Variants in TAS1R2 observed in about 807,000 individuals in gnomAD.
TAS1R2 encodes taste 1 receptor member 2.
TAS1R2 carries 47 observed loss-of-function variants against 49.3 expected under a neutral mutation model. That is an observed-to-expected ratio of 0.95 (90% CI 0.75 to 1.22). The LOEUF is 1.22. Among genes scored for constraint, TAS1R2 ranks in the 50% most tolerant of loss-of-function variants. The pLI, the probability that TAS1R2 is intolerant of heterozygous loss-of-function variation, is 0.00. For missense variants in TAS1R2, 1,155 were observed against 1,122.1 expected (o/e 1.03, Z -0.42); for synonymous variants, 479 against 467.9 (o/e 1.02, Z -0.31).
chr1:18,859,437 C>A, intron 1 of TAS1R2, 42 bp downstream of exon 1: 1 of 1,610,766 alleles, frequency 6.2e-7, no homozygotes, highest in East Asian at 2.2e-5. Context: ...GGCCTCCCAC[C>A]CCATCCCCAC....
intron 3 of TAS1R2, 107 bp from the exon 4 acceptor site, chr1:18,849,657 C>G: frequency 1.6e-6 from 2 of 1,262,804 alleles, no homozygotes; most frequent in Non-Finnish European, 2.2e-6. Context: ...TGATTTCCAA[C>G]TCTGTAATAT....
At chr1:18,842,775 G>T (rs781685305) in intron 4 of TAS1R2, among the ~76,000 whole-genome samples, 1 of 152,184 alleles carries the variant, frequency 6.6e-6, no homozygotes, top group Non-Finnish European at 1.5e-5. Context: ...TAGAAGGATG[G>T]TTGCCAGAGG....
chr1:18,845,262 C>T (rs1049747029), intron 4 of TAS1R2, among the ~76,000 whole-genome samples: 1 of 152,188 alleles, frequency 6.6e-6, no homozygotes, highest in African/African-American at 2.4e-5. Context: ...CAGAAGTATC[C>T]TATCTAACCA....
chr1:18,843,081 C>T (rs1933856227), intron 4 of TAS1R2, among the ~76,000 whole-genome samples: 1 of 152,206 alleles, frequency 6.6e-6, no homozygotes, highest in African/African-American at 2.4e-5. Context: ...CATTAACACT[C>T]ACTATCTTAT....
intron 2 of TAS1R2, among the ~76,000 whole-genome samples, chr1:18,855,679 T>C (rs1403356369): frequency 1.3e-5 from 2 of 152,152 alleles, no homozygotes; most frequent in East Asian, 3.9e-4. Context: ...GAACTTCAGA[T>C]GCATACCACA....
chr1:18,857,874 C>G lies in TAS1R2; in HGVS notation c.183-243G>C, dbSNP rs75754587. Among the ~76,000 whole-genome samples, 52 of 152,174 alleles carry G rather than the reference C, an allele frequency of 3.4e-4. No individual in the cohort carries two copies. In the East Asian group the frequency reaches 9.8e-3, roughly 29 times the overall value. On this transcript the variant is annotated intron_variant, in intron 1 of 5. Coordinates refer to ENST00000375371, the Ensembl canonical transcript of TAS1R2. ...CATGTGGCCATCATCACTACTATCC[C>G]TATAACCTCCATCACCACTCTACCA... is the stretch of plus-strand genomic sequence containing the variant.
intron 4 of TAS1R2, among the ~76,000 whole-genome samples, chr1:18,844,759 A>AAAGAAGAAG: frequency 6.7e-6 from 1 of 149,852 alleles, no homozygotes; most frequent in East Asian, 2.0e-4. Flanking sequence ...CTCAGAAAAA[A>AAAGAAGAAG]AAGAAGAAGA....
chr1:18,840,023 G>C, exon 6 of TAS1R2: 11 of 1,613,326 alleles, frequency 6.8e-6, no homozygotes, highest in Non-Finnish European at 8.5e-6. Flanking sequence ...GAGGCCCGTG[G>C]CCAGCATGCC....
rs1307409350 is a variant in TAS1R2, at chr1:18,854,458, A to C, written c.1012T>G (p.Phe338Val). ...CCAGCCTGTGGGCCCCACTCGCGGA[A>C]CTCACTGAAGCCCGGGATGGGCACG... The change falls in exon 3 of 6, where the codon TTC (phenylalanine) becomes GTC (valine). Residue 338 changes from phenylalanine to valine, a missense_variant. By Grantham distance (50) the Phe-to-Val change is conservative (BLOSUM62 -1). Coordinates refer to ENST00000375371, the Ensembl canonical transcript of TAS1R2. This position sits in a 1 kb window ranked among gnomAD's most constrained non-coding sequence, Gnocchi z 4.9. 1 of 1,614,118 alleles carries C rather than the reference A, an allele frequency of 6.2e-7. No homozygotes were observed. The highest frequency in any genetic ancestry group is 8.5e-7 in the Non-Finnish European group (1 of 1,180,006).
Position 18,857,648 on chromosome 1 carries a change from A to C in TAS1R2, c.183-17T>G. Reference sequence around the variant, plus strand: ...ACTTCATACCTGGAGGGGCCACAGCATCATGAGGTGGAAGCAGATCCAGAA... The same window carrying C: ...ACTTCATACCTGGAGGGGCCACAGCCTCATGAGGTGGAAGCAGATCCAGAA... On this transcript the variant is annotated splice_polypyrimidine_tract_variant and intron_variant, in intron 1 of 5. Transcript: ENST00000375371. The C allele has an allele frequency of 6.9e-6, 11 of 1,605,002 alleles. No homozygotes were observed. The highest frequency in any genetic ancestry group is 9.4e-6 in the Non-Finnish European group (11 of 1,174,934).
At chr1:18,844,732 C>G (rs189879562) in intron 4 of TAS1R2, among the ~76,000 whole-genome samples, 1 of 150,192 alleles carries the variant, frequency 6.7e-6, no homozygotes, top group Non-Finnish European at 1.5e-5. Context: ...CCAGCCTGGG[C>G]GACAGAGCGA....
At chr1:18,858,059 C>T (rs1381939980) in intron 1 of TAS1R2, among the ~76,000 whole-genome samples, 1 of 151,964 alleles carries the variant, frequency 6.6e-6, no homozygotes, top group African/African-American at 2.4e-5. Flanking sequence ...TCACCGTCAC[C>T]ACCATCACTA....
chr1:18,857,141 C>T (rs950472713), intron 2 of TAS1R2, among the ~76,000 whole-genome samples, 190 bp downstream of exon 2: 1 of 152,198 alleles, frequency 6.6e-6, no homozygotes, highest in Admixed American at 6.5e-5. Flanking sequence ...CAGATCTGCC[C>T]GCTTCCAAAG....
Position 18,854,820 on chromosome 1 carries a change from C to T in TAS1R2, c.650G>A (p.Arg217His), listed in dbSNP as rs376306941. 2.5e-5 allele frequency: 40 copies of T among 1,607,086 alleles called. No homozygotes were observed. The highest frequency in any genetic ancestry group is 1.8e-4 in the Admixed American group (11 of 59,760). The change falls in exon 3 of 6, where the codon CGC becomes CAC. Residue 217 changes from arginine (R) to histidine (H), a missense_variant. Coordinates refer to ENST00000375371, the Ensembl canonical transcript of TAS1R2. This position sits in a 1 kb window ranked among gnomAD's most constrained non-coding sequence, Gnocchi z 4.9. ...CTCGCCAAGCAGCTGGCCATTGTCG[C>T]GGCCATAGGTGTCGCTGCTCACCAG...
chr1:18,857,276 C>A, intron 2 of TAS1R2, 55 bp downstream of exon 2: 1 of 1,562,366 alleles, frequency 6.4e-7, no homozygotes, highest in Non-Finnish European at 8.7e-7. Context: ...GGCCTCTAGA[C>A]AGCCATTCCT....
intron 4 of TAS1R2, among the ~76,000 whole-genome samples, chr1:18,845,228 G>T (rs1933895841): frequency 1.3e-5 from 2 of 152,190 alleles, no homozygotes; most frequent in Admixed American, 6.5e-5. Context: ...AGGCTCCACT[G>T]ATCCTAACAT....
At chr1:18,845,432 A>T (rs1933901386) in intron 4 of TAS1R2, among the ~76,000 whole-genome samples, 1 of 152,192 alleles carries the variant, frequency 6.6e-6, no homozygotes, top group Admixed American at 6.5e-5. Context: ...AACCAGAAGG[A>T]TTGGCTACAT....
intron 3 of TAS1R2, among the ~76,000 whole-genome samples, chr1:18,853,588 G>A (rs958427052): frequency 6.6e-6 from 1 of 152,198 alleles, no homozygotes; most frequent in African/African-American, 2.4e-5. Context: ...ACAGGGTTTA[G>A]GGAAGTGGCT....
At chr1:18,858,096 A>T (rs1190383726) in intron 1 of TAS1R2, among the ~76,000 whole-genome samples, 2 of 151,950 alleles carry the variant, frequency 1.3e-5, no homozygotes, top group African/African-American at 4.8e-5. Flanking sequence ...CACAGCCATC[A>T]TCACCACCAT....
Sources: gnomAD v4.1 joint callset for allele counts (sites outside exome capture counted in the v4.1 genomes callset) on GRCh38, gnomAD v4.1.1 for gene constraint, Gnocchi (gnomAD v3.1) non-coding constraint, MANE v1.5 for transcripts, NCBI Gene and HGNC (gene_info 2026-07-23, HGNC 2026-07-21) for gene names.